The following ACACA variants were observed in gnomAD, a reference collection of about 807,000 sequenced individuals.
The protein encoded by ACACA is acetyl-CoA carboxylase 1.
In ACACA, 103 loss-of-function variants were observed where a neutral mutation model predicts 296.1. The observed-to-expected ratio is 0.35, with a 90% confidence interval of 0.30 to 0.41. The LOEUF (loss-of-function observed/expected upper bound fraction) is 0.41, where lower values mean the gene tolerates loss of function less well. Among genes scored for constraint, ACACA ranks in the 10% least tolerant of loss-of-function variants. ACACA has a pLI of 1.00. For synonymous variants in ACACA, 953 were observed against 1,038.6 expected (o/e 0.92, Z 1.58); for missense variants, 1,554 against 2,989.7 (o/e 0.52, Z 11.20).
chr17:37,191,798 GTTA>G (rs1463460583), intron 37 of ACACA, among the ~76,000 whole-genome samples: 1 of 150,112 alleles, frequency 6.7e-6, no homozygotes, highest in East Asian at 1.9e-4. Flanking sequence ...TTTCTTGAGT[GTTA>G]TTATGCTTCT....
chr17:37,251,663 G>A (rs1347861551), intron 16 of ACACA, among the ~76,000 whole-genome samples: 1 of 152,132 alleles, frequency 6.6e-6, no homozygotes. Context: ...AAATATTTAG[G>A]GTTCAGTGCT....
chr17:37,350,186 C>G (rs943577263), intron 1 of ACACA, among the ~76,000 whole-genome samples: 7 of 151,988 alleles, frequency 4.6e-5, no homozygotes, highest in Non-Finnish European at 1.0e-4. Flanking sequence ...TAAAAATTTG[C>G]TAGGCATAAT....
intron 24 of ACACA, 98 bp downstream of exon 24, chr17:37,240,378 G>A (rs975549575): frequency 1.0e-6 from 1 of 994,186 alleles, no homozygotes; most frequent in African/African-American, 1.6e-5. Flanking sequence ...TTGTTGACAG[G>A]AGGGGGCTTA....
At chr17:37,121,623 G>C in intron 49 of ACACA, 133 bp from the exon 50 acceptor site, 1 of 1,147,342 alleles carries the variant, frequency 8.7e-7, no homozygotes, top group East Asian at 2.4e-5. Flanking sequence ...TGTTCATCAA[G>C]ATCATCATGT....
At chr17:37,147,296 C>T (rs2075852526) in intron 45 of ACACA, among the ~76,000 whole-genome samples, 1 of 152,104 alleles carries the variant, frequency 6.6e-6, no homozygotes, top group Non-Finnish European at 1.5e-5. Context: ...CATGAACACA[C>T]AGGGCGGCAC....
chr17:37,400,324 G>A (rs2051238940), intron 1 of ACACA, among the ~76,000 whole-genome samples: 1 of 151,878 alleles, frequency 6.6e-6, no homozygotes, highest in Admixed American at 6.6e-5. Context: ...TTCACCATGT[G>A]GGCCAGGCTG....
At chr17:37,232,852 T>A (rs1459207822) in intron 25 of ACACA, among the ~76,000 whole-genome samples, 1 of 152,026 alleles carries the variant, frequency 6.6e-6, no homozygotes, top group African/African-American at 2.4e-5. Context: ...GTTCACATGT[T>A]CAACCGTCCT....
intron 41 of ACACA, among the ~76,000 whole-genome samples, chr17:37,173,887 C>T (rs1378500158): frequency 2.1e-5 from 3 of 144,954 alleles, no homozygotes; most frequent in Non-Finnish European, 3.0e-5. Context: ...GATCTTGGCT[C>T]GCTGCATCCT....
At chr17:37,351,008 C>G (rs991351233) in intron 1 of ACACA, among the ~76,000 whole-genome samples, 1 of 151,848 alleles carries the variant, frequency 6.6e-6, no homozygotes, top group Non-Finnish European at 1.5e-5. Flanking sequence ...TGGAGCGTGG[C>G]GCATGCCCAT....
intron 3 of ACACA, chr17:37,329,022 C>T (rs190929099): frequency 4.5e-5 from 18 of 398,448 alleles, no homozygotes; most frequent in African/African-American, 1.6e-4. Context: ...GTATCTCACA[C>T]GCTAGTTATA....
At chr17:37,274,027 C>T (rs1048054379) in intron 9 of ACACA, among the ~76,000 whole-genome samples, 166 bp downstream of exon 9, 10 of 152,150 alleles carry the variant, frequency 6.6e-5, no homozygotes, top group African/African-American at 1.9e-4. Context: ...AAGACTTATG[C>T]AATCTAAAGA....
At chr17:37,141,054 C>T (rs1355705311) in intron 45 of ACACA, 14 of 427,154 alleles carry the variant, frequency 3.3e-5, no homozygotes, top group South Asian at 2.5e-4. Flanking sequence ...CCCTGAAGTA[C>T]TTAACACCCA....
chr17:37,237,267 TG>T (rs1402629605), intron 24 of ACACA, among the ~76,000 whole-genome samples: 1 of 152,210 alleles, frequency 6.6e-6, no homozygotes, highest in Non-Finnish European at 1.5e-5. Context: ...ACTCTACCTA[TG>T]TATATTTAGA....
intron 26 of ACACA, among the ~76,000 whole-genome samples, chr17:37,225,803 A>C (rs2079519783): frequency 6.6e-6 from 1 of 152,250 alleles, no homozygotes; most frequent in African/African-American, 2.4e-5. Context: ...GCACTGAAAC[A>C]CAAAGGGAGT....
intron 28 of ACACA, among the ~76,000 whole-genome samples, chr17:37,222,214 A>T (rs558219926): frequency 6.6e-6 from 1 of 152,310 alleles, no homozygotes; most frequent in Non-Finnish European, 1.5e-5. Flanking sequence ...AGTGAGAAAA[A>T]TGAGAGGTGC....
At chr17:37,302,735 C>T (rs1468109080) in intron 3 of ACACA, among the ~76,000 whole-genome samples, 4 of 151,998 alleles carry the variant, frequency 2.6e-5, no homozygotes, top group African/African-American at 4.8e-5. Flanking sequence ...TTGGATTGTT[C>T]ATTTCTAGCT....
At position 37,087,367 on chromosome 17, in the gene ACACA, C is replaced by A; in HGVS notation, c.7101G>T (p.Gln2367His). ...IHMTQHISPT[Q>H]RAEVIRILST... is the part of the protein sequence containing the mutation. ...AGAGGATCCGTATGACTTCTGCTCGCTGAGTGGGTGATATGTGCTGCGTCA... is the reference window on the plus strand; with the variant it reads ...AGAGGATCCGTATGACTTCTGCTCGATGAGTGGGTGATATGTGCTGCGTCA... Residue 2367 changes from glutamine to histidine, a missense_variant, in exon 56 of 56, where the codon CAG becomes CAT. Physicochemically the swap from Gln to His is conservative, Grantham distance 24 (BLOSUM62 0). Coordinates refer to ENST00000616317, the MANE Select transcript of ACACA (RefSeq NM_198834.3). The A allele has an allele frequency of 6.2e-7, 1 of 1,614,052 alleles. No individual in the cohort carries two copies. The highest frequency in any genetic ancestry group is 8.5e-7 in the Non-Finnish European group (1 of 1,180,014).
intron 50 of ACACA, among the ~76,000 whole-genome samples, chr17:37,115,056 T>C (rs1002606118): frequency 6.6e-6 from 1 of 152,184 alleles, no homozygotes; most frequent in South Asian, 2.1e-4. Context: ...ACTTCAGAAA[T>C]TCCAAGTTAC....
chr17:37,234,895 T>C, intron 25 of ACACA, 80 bp downstream of exon 25: 1 of 1,521,534 alleles, frequency 6.6e-7, no homozygotes, highest in Non-Finnish European at 9.1e-7. Context: ...TTTTTTTCTC[T>C]GGCCATAGCC....
Sources: gnomAD v4.1 joint callset for allele counts (sites outside exome capture counted in the v4.1 genomes callset) on GRCh38, gnomAD v4.1.1 for gene constraint, MANE v1.5 for transcripts, NCBI Gene and HGNC (gene_info 2026-07-23, HGNC 2026-07-21) for gene names.